The following PDZRN4 variants were observed in gnomAD, a reference collection of about 807,000 sequenced individuals.
PDZRN4 encodes PDZ domain-containing RING finger protein 4.
PDZRN4 carries 70 observed loss-of-function variants against 99.0 expected under a neutral mutation model. That is an observed-to-expected ratio of 0.71 (90% CI 0.58 to 0.86). PDZRN4 has a LOEUF of 0.86. PDZRN4 is among the 40% of genes least tolerant of loss of function. The pLI is 0.00. For synonymous variants in PDZRN4, 551 were observed against 501.6 expected, an observed-to-expected ratio of 1.10 and a Z score of -1.32; for missense variants, 1,474 against 1,331.2, an observed-to-expected ratio of 1.11 and a Z score of -1.67.
At chr12:41,242,450 G>T (rs983540627) in intron 3 of PDZRN4, among the ~76,000 whole-genome samples, 1 of 152,136 alleles carries the variant, frequency 6.6e-6, no homozygotes, top group African/African-American at 2.4e-5. Context: ...TATTGGATGC[G>T]ATGTTAATAA....
chr12:41,312,150 T>A (rs1951610860), intron 3 of PDZRN4, among the ~76,000 whole-genome samples: 1 of 152,148 alleles, frequency 6.6e-6, no homozygotes, highest in Admixed American at 6.6e-5. Context: ...GTGCATTCCA[T>A]TTTGTCCAAA....
At chr12:41,518,338 C>T (rs1938437505) in intron 5 of PDZRN4, among the ~76,000 whole-genome samples, 2 of 152,036 alleles carry the variant, frequency 1.3e-5, no homozygotes, top group African/African-American at 4.8e-5. Context: ...ATTGTACCAC[C>T]TAAGATAACC....
Position 41,219,902 on chromosome 12 carries a change from C to T in PDZRN4, c.843+25714C>T, listed in dbSNP as rs533598451. 6.6e-5 allele frequency among the ~76,000 whole-genome samples: 10 copies of T among 152,176 alleles called. No individual in the cohort carries two copies. In the South Asian group the frequency reaches 1.2e-3, roughly 19 times the overall value. On this transcript the variant is annotated intron_variant, in intron 3 of 9. Transcript: ENST00000402685. Reference sequence around the variant, plus strand: ...ACAACATTAATTGGGAAAATTTTGGCGACTCTTCTGTGTCAGTTTGACCTC... The same window carrying T: ...ACAACATTAATTGGGAAAATTTTGGTGACTCTTCTGTGTCAGTTTGACCTC...
chr12:41,267,079 T>C (rs1951282758), intron 3 of PDZRN4, among the ~76,000 whole-genome samples: 1 of 152,170 alleles, frequency 6.6e-6, no homozygotes, highest in Admixed American at 6.5e-5. Flanking sequence ...CTCTACAAAC[T>C]GCTAGTTAAA....
chr12:41,371,671 GTTTA>G (rs1289680905), intron 3 of PDZRN4, among the ~76,000 whole-genome samples: 2 of 152,096 alleles, frequency 1.3e-5, no homozygotes, highest in South Asian at 2.1e-4. Context: ...TTTGCCAAAT[GTTTA>G]TTTGTTTGTT....
At chr12:41,487,053 T>C (rs1937790984) in intron 3 of PDZRN4, among the ~76,000 whole-genome samples, 1 of 152,142 alleles carries the variant, frequency 6.6e-6, no homozygotes, top group Non-Finnish European at 1.5e-5. Context: ...CCAATTCTTC[T>C]CATTGTTTTA....
At chr12:41,305,707 A>T (rs1016255474) in intron 3 of PDZRN4, among the ~76,000 whole-genome samples, 22 of 152,182 alleles carry the variant, frequency 1.4e-4, no homozygotes, top group African/African-American at 5.3e-4. Flanking sequence ...GGTCTTCAGC[A>T]TACACATTTG....
At position 41,515,662 on chromosome 12, in the gene PDZRN4, A is replaced by G. The variant is rs61924275; in HGVS notation, c.1203+5749A>G. 9.7e-3 allele frequency among the ~76,000 whole-genome samples: 1,479 copies of G among 152,156 alleles called. 8 individuals carry two copies. The highest frequency in any genetic ancestry group is 0.013 in the Non-Finnish European group (906 of 67,954). ...AGGCCAAACCAATAAGTGATCATAT[A>G]TCGGAGCTAGTATTTCCAGATGCTC... On this transcript the variant is annotated intron_variant, in intron 5 of 9. Transcript: ENST00000402685.
intron 3 of PDZRN4, among the ~76,000 whole-genome samples, chr12:41,223,525 A>G (rs1337835805): frequency 1.3e-5 from 2 of 152,210 alleles, no homozygotes; most frequent in Admixed American, 6.5e-5. Flanking sequence ...GTGCTGTTTT[A>G]TTTAAAAAGT....
intron 3 of PDZRN4, among the ~76,000 whole-genome samples, chr12:41,451,090 C>T (rs1291313941): frequency 2.0e-5 from 3 of 151,320 alleles, no homozygotes; most frequent in Non-Finnish European, 4.4e-5. Flanking sequence ...CTCTTTAATA[C>T]AGTTAATAGA....
At chr12:41,387,642 G>A (rs1413867319) in intron 3 of PDZRN4, among the ~76,000 whole-genome samples, 1 of 152,116 alleles carries the variant, frequency 6.6e-6, no homozygotes, top group Non-Finnish European at 1.5e-5. Context: ...CTTTTCAAAG[G>A]AAGACATACA....
chr12:41,439,926 A>G (rs1952664022), intron 3 of PDZRN4, among the ~76,000 whole-genome samples: 1 of 152,206 alleles, frequency 6.6e-6, no homozygotes, highest in Admixed American at 6.5e-5. Flanking sequence ...AGTTAATGGA[A>G]TAGATAAGAT....
chr12:41,263,379 C>A (rs1951255834), intron 3 of PDZRN4, among the ~76,000 whole-genome samples: 1 of 151,912 alleles, frequency 6.6e-6, no homozygotes, highest in Non-Finnish European at 1.5e-5. Flanking sequence ...ATGGTGAAAC[C>A]CCGCCTCTAC....
At chr12:41,335,490 T>G (rs1951766616) in intron 3 of PDZRN4, among the ~76,000 whole-genome samples, 1 of 152,112 alleles carries the variant, frequency 6.6e-6, no homozygotes, top group East Asian at 1.9e-4. Context: ...CTACGTTAAT[T>G]ATTGAGTTTT....
chr12:41,363,027 T>A (rs1190400755), intron 3 of PDZRN4, among the ~76,000 whole-genome samples: 1 of 152,132 alleles, frequency 6.6e-6, no homozygotes, highest in African/African-American at 2.4e-5. Flanking sequence ...GTTAGTGATA[T>A]GAAGCTGTAA....
At chr12:41,258,596 C>T (rs552183036) in intron 3 of PDZRN4, among the ~76,000 whole-genome samples, 2 of 152,248 alleles carry the variant, frequency 1.3e-5, no homozygotes, top group South Asian at 4.2e-4. Flanking sequence ...AGACTACTCT[C>T]TTAAAATTAA....
intron 3 of PDZRN4, among the ~76,000 whole-genome samples, chr12:41,457,242 T>C (rs1565587847): frequency 2.6e-5 from 4 of 152,322 alleles, no homozygotes; most frequent in East Asian, 1.9e-4. Flanking sequence ...TATCATATCC[T>C]CCATGAAAGT....
rs1193695657 is a variant in PDZRN4 at position 41,573,139 on chromosome 12, G to A, written c.2360G>A (p.Ser787Asn). The A allele has an allele frequency of 1.2e-6, 2 of 1,614,136 alleles. No individual in the cohort carries two copies. Among genetic ancestry groups the A allele is most frequent in the South Asian group, 1.1e-5 (1 of 91,080 alleles). ...AATQSSSGQS[S>N]KESTSTKAKT... Reference sequence around the variant, plus strand: ...ACCCAGTCCTCTTCCGGACAGAGCAGTAAAGAGTCGACCTCCACCAAAGCC... The same window carrying A: ...ACCCAGTCCTCTTCCGGACAGAGCAATAAAGAGTCGACCTCCACCAAAGCC... Residue 787 changes from serine (S) to asparagine (N), a missense_variant, in exon 10 of 10, where the codon AGT becomes AAT. Physicochemically the swap from Ser to Asn is conservative, Grantham distance 46 (BLOSUM62 1). Transcript: ENST00000402685.
At chr12:41,387,861 C>T (rs572335623) in intron 3 of PDZRN4, among the ~76,000 whole-genome samples, 1 of 152,294 alleles carries the variant, frequency 6.6e-6, no homozygotes, top group South Asian at 2.1e-4. Flanking sequence ...TTGTGGAAGA[C>T]AGTGTGATGG....
Sources: gnomAD v4.1 joint callset for allele counts (sites outside exome capture counted in the v4.1 genomes callset) on GRCh38, gnomAD v4.1.1 for gene constraint, MANE v1.5 for transcripts, NCBI Gene and HGNC (gene_info 2026-07-23, HGNC 2026-07-21) for gene names.